The following ST6GALNAC5 variants were observed in gnomAD, a reference collection of about 807,000 sequenced individuals.
The protein encoded by ST6GALNAC5 is ST6 N-acetylgalactosaminide alpha-2,6-sialyltransferase 5.
Under a neutral mutation model 33.6 loss-of-function variants are expected in ST6GALNAC5, and 27 were observed. The observed-to-expected ratio is 0.80, with a 90% CI of 0.59 to 1.11. The LOEUF (loss-of-function observed/expected upper bound fraction) is 1.11. Ranked by LOEUF, ST6GALNAC5 falls within the 50% of genes least tolerant of loss-of-function variation. The pLI is 0.00. For synonymous variants in ST6GALNAC5, 194 were observed against 171.2 expected, an observed-to-expected ratio of 1.13 and a Z score of -1.04; for missense variants, 428 against 454.0, an observed-to-expected ratio of 0.94 and a Z score of 0.52.
chr1:76,897,429 G>A (rs1017840425), intron 2 of ST6GALNAC5, among the ~76,000 whole-genome samples: 1 of 152,204 alleles, frequency 6.6e-6, no homozygotes, highest in Non-Finnish European at 1.5e-5. Context: ...ATTGTAAGGA[G>A]AGTTTATAGG....
intron 2 of ST6GALNAC5, among the ~76,000 whole-genome samples, chr1:76,943,206 T>C (rs752367146): frequency 6.6e-6 from 1 of 152,120 alleles, no homozygotes; most frequent in Non-Finnish European, 1.5e-5. Flanking sequence ...ATTATTCCCA[T>C]TTTACAAGTG....
intron 2 of ST6GALNAC5, among the ~76,000 whole-genome samples, chr1:76,885,566 C>T (rs1380456396): frequency 2.0e-5 from 3 of 152,144 alleles, no homozygotes; most frequent in Non-Finnish European, 4.4e-5. Context: ...GAGGGGATGG[C>T]TTTGCTGTTA....
At position 77,066,841 on chromosome 1, in the gene ST6GALNAC5, G is replaced by C. The variant is rs1365450014; in HGVS notation, c.*3635G>C. Reference sequence around the variant, plus strand: ...TCCCAATTGTCTTCTTTTGTCTACAGTGTGCTCCTAAACCAGCAGTCTTTG... The same window carrying C: ...TCCCAATTGTCTTCTTTTGTCTACACTGTGCTCCTAAACCAGCAGTCTTTG... On this transcript the variant is annotated 3_prime_UTR_variant, in exon 5 of 5. Coordinates refer to ENST00000477717, the MANE Select transcript of ST6GALNAC5 (RefSeq NM_030965.3). Among the ~76,000 whole-genome samples, 1 of 152,140 alleles carries C rather than the reference G, an allele frequency of 6.6e-6. No homozygotes were observed. The highest frequency in any genetic ancestry group is 2.4e-5 in the African/African-American group (1 of 41,412).
chr1:76,986,753 G>A (rs778048776), intron 2 of ST6GALNAC5, among the ~76,000 whole-genome samples: 1 of 152,082 alleles, frequency 6.6e-6, no homozygotes, highest in African/African-American at 2.4e-5. Flanking sequence ...CAATGACTTG[G>A]AACCAATCCA....
At chr1:76,981,650 G>A (rs1649256140) in intron 2 of ST6GALNAC5, among the ~76,000 whole-genome samples, 2 of 57,982 alleles carry the variant, frequency 3.4e-5, no homozygotes, top group Non-Finnish European at 7.4e-5. Context: ...TCCCAGCATT[G>A]CATTTGAGCT....
chr1:77,035,088 C>T (rs1651601859), intron 2 of ST6GALNAC5, among the ~76,000 whole-genome samples: 1 of 152,088 alleles, frequency 6.6e-6, no homozygotes, highest in Admixed American at 6.6e-5. Context: ...TTGCTGGGCC[C>T]CATCATGGAG....
At chr1:76,989,221 C>T (rs1649625888) in intron 2 of ST6GALNAC5, among the ~76,000 whole-genome samples, 1 of 152,018 alleles carries the variant, frequency 6.6e-6, no homozygotes, top group Non-Finnish European at 1.5e-5. Context: ...TGTGAATCTC[C>T]TGTGATTTTT....
chr1:76,908,386 G>T (rs77902538), intron 2 of ST6GALNAC5, among the ~76,000 whole-genome samples: 6,883 of 152,064 alleles, frequency 0.045, 295 homozygotes, highest in African/African-American at 0.11. Flanking sequence ...ATTCATAAGG[G>T]TACTAATCCC....
chr1:76,915,886 C>CA (rs897951294), intron 2 of ST6GALNAC5, among the ~76,000 whole-genome samples: 2 of 118,608 alleles, frequency 1.7e-5, no homozygotes, highest in East Asian at 2.2e-4. Context: ...AAAAAAAAAA[C>CA]AAAAAAACAA....
At chr1:76,914,981 A>C (rs1209609116) in intron 2 of ST6GALNAC5, among the ~76,000 whole-genome samples, 13 of 150,936 alleles carry the variant, frequency 8.6e-5, no homozygotes, top group African/African-American at 7.3e-5. Context: ...CAATGAACTC[A>C]AACAAATTTA....
chr1:76,930,787 T>A (rs1035399058), intron 2 of ST6GALNAC5, among the ~76,000 whole-genome samples: 11 of 152,146 alleles, frequency 7.2e-5, no homozygotes, highest in African/African-American at 2.7e-4. Flanking sequence ...CATGTATTCA[T>A]GTATTCATTA....
intron 4 of ST6GALNAC5, among the ~76,000 whole-genome samples, chr1:77,053,887 C>A (rs1483701673): frequency 6.6e-6 from 1 of 152,148 alleles, no homozygotes; most frequent in Non-Finnish European, 1.5e-5. Context: ...GTGTGCCTGG[C>A]CTTTCTACAG....
At chr1:76,977,511 C>G (rs1649060085) in intron 2 of ST6GALNAC5, among the ~76,000 whole-genome samples, 1 of 152,158 alleles carries the variant, frequency 6.6e-6, no homozygotes, top group South Asian at 2.1e-4. Flanking sequence ...AACCTCTACT[C>G]TCTATTTCTA....
intron 1 of ST6GALNAC5, among the ~76,000 whole-genome samples, chr1:76,867,922 G>A (rs1653381703): frequency 6.6e-6 from 1 of 152,178 alleles, no homozygotes; most frequent in South Asian, 2.1e-4. Context: ...CTAGATCTCC[G>A]GCGAGAGGTC....
chr1:76,956,752 C>T (rs1033432937), intron 2 of ST6GALNAC5, among the ~76,000 whole-genome samples: 1 of 152,174 alleles, frequency 6.6e-6, no homozygotes, highest in Non-Finnish European at 1.5e-5. Flanking sequence ...AACTCACAAC[C>T]ATCTCCTCCA....
At chr1:77,045,978 A>G (rs1386881129) in intron 3 of ST6GALNAC5, among the ~76,000 whole-genome samples, 1 of 152,216 alleles carries the variant, frequency 6.6e-6, no homozygotes, top group Non-Finnish European at 1.5e-5. Context: ...GTGAAAAGGG[A>G]ATAGTGACTA....
chr1:77,049,225 G>T (rs1234260578), intron 3 of ST6GALNAC5, among the ~76,000 whole-genome samples: 2 of 151,936 alleles, frequency 1.3e-5, no homozygotes, highest in Non-Finnish European at 2.9e-5. Context: ...TCTTCTCAAG[G>T]ATGGGTGCCA....
intron 2 of ST6GALNAC5, 96 bp from the exon 3 acceptor site, chr1:77,044,108 G>T: frequency 7.5e-7 from 1 of 1,326,596 alleles, no homozygotes; most frequent in South Asian, 1.5e-5. Flanking sequence ...AGAAGAGATG[G>T]GTGCCCTTCT....
At chr1:76,907,394 G>A (rs1023882570) in intron 2 of ST6GALNAC5, among the ~76,000 whole-genome samples, 4 of 152,170 alleles carry the variant, frequency 2.6e-5, no homozygotes, top group Admixed American at 2.0e-4. Context: ...AGCACTTGAG[G>A]CAGCAGGCTG....
Sources: gnomAD v4.1 joint callset for allele counts (sites outside exome capture counted in the v4.1 genomes callset) on GRCh38, gnomAD v4.1.1 for gene constraint, MANE v1.5 for transcripts, NCBI Gene and HGNC (gene_info 2026-07-23, HGNC 2026-07-21) for gene names.